The following ARHGAP25 variants were observed in gnomAD, a reference collection of about 807,000 sequenced individuals.
The protein encoded by ARHGAP25 is Rho GTPase activating protein 25.
In ARHGAP25, 34 loss-of-function variants were observed where a neutral mutation model predicts 71.0. That is an observed-to-expected ratio of 0.48 (90% CI 0.36 to 0.64). The LOEUF (loss-of-function observed/expected upper bound fraction) is 0.64. Ranked by LOEUF, ARHGAP25 falls within the 30% of genes least tolerant of loss-of-function variation. The pLI is 0.00. For synonymous variants in ARHGAP25, 282 were observed against 296.5 expected (o/e 0.95, Z 0.50); for missense variants, 706 against 805.1 (o/e 0.88, Z 1.49).
intron 1 of ARHGAP25, among the ~76,000 whole-genome samples, chr2:68,771,460 T>G (rs1203139713): frequency 6.6e-6 from 1 of 152,196 alleles, no homozygotes; most frequent in East Asian, 1.9e-4. Context: ...GTTTACTTTA[T>G]CCGGAACAAG....
chr2:68,736,722 T>C (rs1035579493), intron 1 of ARHGAP25, among the ~76,000 whole-genome samples: 1 of 152,192 alleles, frequency 6.6e-6, no homozygotes, highest in Non-Finnish European at 1.5e-5. Context: ...TCTTAAAGCA[T>C]GGTCCCATAG....
chr2:68,777,794 CAT>C (rs1455471636), intron 2 of ARHGAP25, among the ~76,000 whole-genome samples: 4 of 152,132 alleles, frequency 2.6e-5, no homozygotes, highest in Admixed American at 6.5e-5. Flanking sequence ...TATTTTACCA[CAT>C]GTTGATATGT....
At position 68,819,304 on chromosome 2, in the gene ARHGAP25, C is replaced by G; in HGVS notation, c.1185C>G (p.Asp395Glu). The G allele has an allele frequency of 1.2e-6, 2 of 1,614,164 alleles. No individual in the cohort carries two copies. The highest frequency in any genetic ancestry group is 1.7e-5 in the Admixed American group (1 of 60,032). The change falls in exon 9 of 11, where the codon GAC becomes GAG. Residue 395 changes from aspartate (D) to glutamate (E), a missense_variant. Asp to Glu is a conservative substitution (Grantham distance 45). Coordinates refer to ENST00000409202, the MANE Select transcript of ARHGAP25 (RefSeq NM_001007231.3). ...ATEDLRISRT[D>E]SFSSMTSDSD... ...AAGACCTCCGAATTTCTAGGACAGA[C>G]AGCTTCAGTAGCATGGTAAGGTGCA...
intron 3 of ARHGAP25, among the ~76,000 whole-genome samples, chr2:68,785,653 T>C (rs561997502): frequency 4.6e-5 from 7 of 151,196 alleles, no homozygotes; most frequent in Non-Finnish European, 7.4e-5. Flanking sequence ...GTGATAGAGG[T>C]AAGAACAAGA....
chr2:68,812,384 T>C (rs960861177), intron 5 of ARHGAP25, among the ~76,000 whole-genome samples: 3 of 152,184 alleles, frequency 2.0e-5, no homozygotes, highest in African/African-American at 7.2e-5. Context: ...AGCCCTCCTG[T>C]AAATGGAGAA....
intron 7 of ARHGAP25, among the ~76,000 whole-genome samples, chr2:68,817,416 T>TA (rs1338192109): frequency 6.6e-6 from 1 of 152,210 alleles, no homozygotes; most frequent in African/African-American, 2.4e-5. Context: ...GCTTGTGCTC[T>TA]AATCAGAGGA....
intron 4 of ARHGAP25, among the ~76,000 whole-genome samples, chr2:68,790,520 T>G (rs2104407924): frequency 6.6e-6 from 1 of 152,312 alleles, no homozygotes; most frequent in East Asian, 1.9e-4. Flanking sequence ...AAAGAATCTC[T>G]AACGTGGGTT....
intron 4 of ARHGAP25, among the ~76,000 whole-genome samples, chr2:68,805,937 A>G (rs1426227835): frequency 6.6e-6 from 1 of 152,188 alleles, no homozygotes; most frequent in Non-Finnish European, 1.5e-5. Flanking sequence ...CCTCCAGGGT[A>G]TGGAAGCCTG....
At chr2:68,783,312 A>G (rs781774612) in intron 3 of ARHGAP25, among the ~76,000 whole-genome samples, 3 of 152,250 alleles carry the variant, frequency 2.0e-5, no homozygotes, top group Non-Finnish European at 4.4e-5. Flanking sequence ...AGTGCATGTC[A>G]TATCAGTGTT....
chr2:68,788,240 G>A (rs551932896), intron 4 of ARHGAP25, among the ~76,000 whole-genome samples: 1 of 152,306 alleles, frequency 6.6e-6, no homozygotes, highest in South Asian at 2.1e-4. Flanking sequence ...ATGATATCTG[G>A]AAGTAGTGCT....
intron 1 of ARHGAP25, among the ~76,000 whole-genome samples, chr2:68,771,080 A>G (rs916653878): frequency 2.0e-5 from 3 of 152,194 alleles, no homozygotes; most frequent in Non-Finnish European, 4.4e-5. Flanking sequence ...TTGTAACTTA[A>G]TGTAACCTAT....
At chr2:68,726,415 A>G (rs1674884824) in intron 2 of ARHGAP25, among the ~76,000 whole-genome samples, 1 of 152,166 alleles carries the variant, frequency 6.6e-6, no homozygotes, top group South Asian at 2.1e-4. Flanking sequence ...TTTGCTCCTG[A>G]TTTGCTCAGT....
intron 1 of ARHGAP25, among the ~76,000 whole-genome samples, chr2:68,746,330 A>C (rs1349907614): frequency 6.6e-6 from 1 of 152,146 alleles, no homozygotes; most frequent in African/African-American, 2.4e-5. Flanking sequence ...AGGCCTGGAC[A>C]ACAGGGGCCT....
intron 9 of ARHGAP25, among the ~76,000 whole-genome samples, chr2:68,821,595 A>G (rs554368513): frequency 3.9e-5 from 6 of 152,238 alleles, no homozygotes; most frequent in Non-Finnish European, 7.3e-5. Flanking sequence ...GCAATGCATG[A>G]AAGAACTGTT....
chr2:68,810,597 A>T (rs2103647605), intron 5 of ARHGAP25, among the ~76,000 whole-genome samples: 1 of 152,230 alleles, frequency 6.6e-6, no homozygotes, highest in South Asian at 2.1e-4. Context: ...CTGTATTTAT[A>T]ATCCCTTTCT....
intron 3 of ARHGAP25, among the ~76,000 whole-genome samples, chr2:68,787,417 A>T (rs916410254): frequency 2.6e-5 from 4 of 152,174 alleles, no homozygotes; most frequent in Non-Finnish European, 5.9e-5. Context: ...GTCATCTCCT[A>T]CCCTACCCCC....
chr2:68,760,509 C>T (rs1676738055), intron 1 of ARHGAP25, among the ~76,000 whole-genome samples: 2 of 151,958 alleles, frequency 1.3e-5, no homozygotes, highest in East Asian at 1.9e-4. Context: ...AGTCAAAGCT[C>T]AAAAATCAGT....
intron 4 of ARHGAP25, among the ~76,000 whole-genome samples, chr2:68,788,587 T>TGAGGAG (rs1678927433): frequency 6.6e-6 from 1 of 152,336 alleles, no homozygotes; most frequent in African/African-American, 2.4e-5. Context: ...TTTCCACATT[T>TGAGGAG]GAGGAGGGTC....
intron 1 of ARHGAP25, among the ~76,000 whole-genome samples, chr2:68,737,576 G>A (rs960676256): frequency 1.3e-5 from 2 of 152,172 alleles, no homozygotes; most frequent in Admixed American, 1.3e-4. Context: ...GGGGATGGGG[G>A]TGAGGGTAAT....
Sources: gnomAD v4.1 joint callset for allele counts (sites outside exome capture counted in the v4.1 genomes callset) on GRCh38, gnomAD v4.1.1 for gene constraint, MANE v1.5 for transcripts, NCBI Gene and HGNC (gene_info 2026-07-23, HGNC 2026-07-21) for gene names.